Variants in LGR6 observed in about 807,000 individuals in gnomAD.
The protein encoded by LGR6 is leucine-rich repeat-containing G protein-coupled receptor 6.
Under a neutral mutation model 69.4 loss-of-function variants are expected in LGR6, and 45 were observed. The ratio of observed to expected loss-of-function variants is 0.65; its 90% CI spans 0.51 to 0.83. LGR6 has a LOEUF of 0.83. Ranked by LOEUF, LGR6 falls within the 40% of genes least tolerant of loss-of-function variation. The probability of loss-of-function intolerance (pLI) is 0.00; values close to 1 mark genes in which losing one functional copy is unlikely to be tolerated. For missense variants in LGR6, 1,108 were observed against 1,246.7 expected (o/e 0.89, Z 1.68); for synonymous variants, 538 against 555.0 (o/e 0.97, Z 0.43).
At chr1:202,285,602 C>T (rs938515485) in intron 6 of LGR6, among the ~76,000 whole-genome samples, 1 of 152,188 alleles carries the variant, frequency 6.6e-6, no homozygotes, top group Non-Finnish European at 1.5e-5. Context: ...TGATTTATGT[C>T]GGCTTCCTTT....
At chr1:202,271,873 C>T (rs1313812408) in intron 4 of LGR6, among the ~76,000 whole-genome samples, 5 of 151,318 alleles carry the variant, frequency 3.3e-5, no homozygotes, top group African/African-American at 9.7e-5. Context: ...GCCAATACTG[C>T]GCCTGTCTCC....
chr1:202,222,051 T>C (rs1342189047), intron 1 of LGR6, among the ~76,000 whole-genome samples: 1 of 152,246 alleles, frequency 6.6e-6, no homozygotes, highest in Non-Finnish European at 1.5e-5. Flanking sequence ...CAGGGCCCAG[T>C]GCCTCTTGCC....
intron 3 of LGR6, among the ~76,000 whole-genome samples, chr1:202,228,724 C>T (rs576262034): frequency 6.6e-6 from 1 of 152,160 alleles, no homozygotes; most frequent in Non-Finnish European, 1.5e-5. Flanking sequence ...TGAGTGAGGG[C>T]AAGAGGAATT....
chr1:202,294,910 C>T lies in LGR6; in HGVS notation c.717-2598C>T, dbSNP rs144320277. On this transcript the variant is annotated intron_variant, in intron 6 of 17. Transcript: ENST00000367278. The stretch of plus-strand genomic sequence containing the variant: ...TGATGAGGTATAATTTGGGCAGAGA[C>T]CTGAATGAAGTGAGTAAACCATAGA... 6.6e-4 allele frequency among the ~76,000 whole-genome samples: 100 copies of T among 152,198 alleles called. No individual in the cohort carries two copies. In the South Asian group the frequency reaches 0.012, roughly 19 times the overall value.
chr1:202,203,607 T>A (rs546283695), intron 1 of LGR6: 2 of 571,870 alleles, frequency 3.5e-6, no homozygotes, highest in South Asian at 4.7e-5. Context: ...ATGCTTGCCC[T>A]CTTTCCTCTC....
At chr1:202,238,931 G>A (rs1661881923) in intron 4 of LGR6, among the ~76,000 whole-genome samples, 1 of 152,162 alleles carries the variant, frequency 6.6e-6, no homozygotes, top group Non-Finnish European at 1.5e-5. Flanking sequence ...CTAACACGAA[G>A]CGGTGCGTTT....
intron 6 of LGR6, among the ~76,000 whole-genome samples, chr1:202,286,137 G>A (rs1172383620): frequency 6.6e-6 from 1 of 152,168 alleles, no homozygotes; most frequent in African/African-American, 2.4e-5. Flanking sequence ...CTTCTGCAGA[G>A]GCCCTCTTTC....
intron 1 of LGR6, among the ~76,000 whole-genome samples, chr1:202,214,610 A>G (rs559790215): frequency 4.6e-5 from 7 of 152,196 alleles, no homozygotes; most frequent in Non-Finnish European, 1.0e-4. Context: ...CACAGTGGGA[A>G]GTAACTTGAT....
chr1:202,290,178 T>G (rs1172535127), intron 6 of LGR6, among the ~76,000 whole-genome samples: 1 of 152,198 alleles, frequency 6.6e-6, no homozygotes, highest in Non-Finnish European at 1.5e-5. Context: ...AACAGAGCAA[T>G]CTTATGCAAT....
intron 5 of LGR6, among the ~76,000 whole-genome samples, chr1:202,277,645 T>C (rs1665684566): frequency 6.6e-6 from 1 of 152,118 alleles, no homozygotes; most frequent in African/African-American, 2.4e-5. Context: ...AGCCCCCATG[T>C]GGTGTACTGA....
intron 1 of LGR6, among the ~76,000 whole-genome samples, chr1:202,205,480 T>C (rs1571809711): frequency 3.9e-4 from 1 of 2,536 alleles, no homozygotes; most frequent in Non-Finnish European, 8.5e-4. Context: ...ACACACCTCC[T>C]TCAAACACAC....
At chr1:202,284,732 A>T (rs1378570468) in intron 6 of LGR6, among the ~76,000 whole-genome samples, 3 of 152,178 alleles carry the variant, frequency 2.0e-5, no homozygotes, top group Non-Finnish European at 4.4e-5. Context: ...AGAAAAAAAA[A>T]GGTCGAGCAA....
chr1:202,221,042 G>A (rs1226449509), intron 1 of LGR6, among the ~76,000 whole-genome samples: 1 of 152,132 alleles, frequency 6.6e-6, no homozygotes, highest in East Asian at 1.9e-4. Context: ...GCAGAGATGG[G>A]CAACCTGAGT....
At chr1:202,246,896 T>A (rs1156688194) in intron 4 of LGR6, among the ~76,000 whole-genome samples, 1 of 152,216 alleles carries the variant, frequency 6.6e-6, no homozygotes, top group Non-Finnish European at 1.5e-5. Flanking sequence ...ATCCTTTTTT[T>A]ACAGATGAGG....
At chr1:202,272,462 C>A (rs2148146497) in intron 4 of LGR6, among the ~76,000 whole-genome samples, 1 of 152,312 alleles carries the variant, frequency 6.6e-6, no homozygotes, top group Non-Finnish European at 1.5e-5. Flanking sequence ...AGGAGCAGGG[C>A]AGCAAACACC....
intron 4 of LGR6, among the ~76,000 whole-genome samples, chr1:202,258,631 T>G (rs1663978706): frequency 6.6e-6 from 1 of 152,042 alleles, no homozygotes; most frequent in Non-Finnish European, 1.5e-5. Context: ...ATTGTCTCTT[T>G]TATTTATTGT....
intron 4 of LGR6, among the ~76,000 whole-genome samples, chr1:202,255,024 G>T (rs1330655276): frequency 1.3e-5 from 2 of 152,224 alleles, no homozygotes; most frequent in Non-Finnish European, 2.9e-5. Context: ...CATTGCTTTA[G>T]AGAATGGCAG....
At chr1:202,311,337 C>T (rs1558085594) in intron 16 of LGR6, among the ~76,000 whole-genome samples, 2 of 152,254 alleles carry the variant, frequency 1.3e-5, no homozygotes, top group South Asian at 2.1e-4. Flanking sequence ...TGTAACCATA[C>T]TGAGCCTCAC....
intron 3 of LGR6, among the ~76,000 whole-genome samples, chr1:202,235,327 A>T (rs1045112185): frequency 6.6e-6 from 1 of 152,176 alleles, no homozygotes; most frequent in Non-Finnish European, 1.5e-5. Context: ...GATCGTTTTC[A>T]TTGGCTGGCA....
Sources: allele counts gnomAD v4.1 joint callset (sites outside exome capture counted in the v4.1 genomes callset), GRCh38; gene constraint gnomAD v4.1.1; transcripts MANE v1.5; gene names NCBI Gene and HGNC (gene_info 2026-07-23, HGNC 2026-07-21).